The following MLLT1 variants were observed in gnomAD, a reference collection of about 807,000 sequenced individuals.
MLLT1 encodes protein ENL.
A neutral mutation model predicts 55.1 loss-of-function variants in MLLT1; 11 were observed. The observed-to-expected ratio is 0.20, with a 90% CI of 0.13 to 0.33. The LOEUF (loss-of-function observed/expected upper bound fraction) is 0.33, where lower values mean the gene tolerates loss of function less well. Among genes scored for constraint, MLLT1 ranks in the 10% least tolerant of loss-of-function variants. MLLT1 has a pLI of 1.00. For missense variants in MLLT1, 536 were observed against 760.6 expected, an observed-to-expected ratio of 0.70 and a Z score of 3.47; for synonymous variants, 323 against 320.1, an observed-to-expected ratio of 1.01 and a Z score of -0.10.
intron 3 of MLLT1, among the ~76,000 whole-genome samples, chr19:6,249,209 A>G (rs1189845904): frequency 6.6e-6 from 1 of 152,226 alleles, no homozygotes; most frequent in Non-Finnish European, 1.5e-5. Context: ...TGTTGAAATA[A>G]TGTTTTAGAT....
chr19:6,245,126 A>C (rs1420531853), intron 3 of MLLT1, among the ~76,000 whole-genome samples: 1 of 152,170 alleles, frequency 6.6e-6, no homozygotes, highest in African/African-American at 2.4e-5. Flanking sequence ...GGATCACTTG[A>C]GGCTGGGGGT....
In MLLT1 at chr19:6,229,380, G is replaced by A. The variant is rs994165828; in HGVS notation, c.420+1190C>T. 3.9e-5 allele frequency among the ~76,000 whole-genome samples: 6 copies of A among 152,086 alleles called. No homozygotes were observed. Among genetic ancestry groups the A allele is most frequent in the African/African-American group, 7.2e-5 (3 of 41,438 alleles). ...ATGGACAGACGCCTCCTTCTTCTTA[G>A]GAGAACGACGGCCACCAAGGACCTG... is the stretch of plus-strand genomic sequence containing the variant. On this transcript the variant is annotated intron_variant, in intron 4 of 11. Transcript: ENST00000252674. The surrounding 1 kb of genome is among the most constrained non-coding windows in gnomAD (Gnocchi z 5.2).
chr19:6,216,378 G>A (rs370635623), intron 8 of MLLT1, 27 bp downstream of exon 8: 70 of 1,551,790 alleles, frequency 4.5e-5, no homozygotes, highest in African/African-American at 3.7e-4. Context: ...GGCCGCCTCC[G>A]CCCCCTGGCT....
At chr19:6,255,889 G>T (rs2091252989) in intron 3 of MLLT1, among the ~76,000 whole-genome samples, 1 of 152,180 alleles carries the variant, frequency 6.6e-6, no homozygotes, top group Non-Finnish European at 1.5e-5. Context: ...CATTTTCGGG[G>T]CCCAAGGCGA....
intron 8 of MLLT1, among the ~76,000 whole-genome samples, chr19:6,215,858 C>T (rs2090837684): frequency 6.6e-6 from 1 of 152,208 alleles, no homozygotes; most frequent in African/African-American, 2.4e-5. Context: ...GGAGCTCTCC[C>T]AGGTGGGGTC....
intron 2 of MLLT1, among the ~76,000 whole-genome samples, chr19:6,269,865 G>A (rs76046359): frequency 0.02 from 3,105 of 152,234 alleles, 103 homozygotes; most frequent in East Asian, 0.13. Context: ...GCCGGGCTCC[G>A]GGCTTCACAC....
intron 4 of MLLT1, among the ~76,000 whole-genome samples, chr19:6,228,233 G>T (rs1260828004): frequency 6.6e-6 from 1 of 152,172 alleles, no homozygotes; most frequent in Non-Finnish European, 1.5e-5. Flanking sequence ...GCCACAGAAG[G>T]CTGCCATGCA....
At chr19:6,216,554 G>C (rs1360437750) in intron 7 of MLLT1, 41 bp from the exon 8 acceptor site, 3 of 1,440,198 alleles carry the variant, frequency 2.1e-6, no homozygotes, top group Non-Finnish European at 2.9e-6. Context: ...ACAAGGGCAG[G>C]GCTCCACTGA....
intron 3 of MLLT1, among the ~76,000 whole-genome samples, chr19:6,250,862 G>A (rs932047301): frequency 2.6e-5 from 4 of 152,214 alleles, no homozygotes; most frequent in African/African-American, 9.6e-5. Flanking sequence ...GTCAATGGAT[G>A]AATGGATAAA....
In MLLT1 at chr19:6,262,508, G is replaced by A. The variant is rs540452336; in HGVS notation, c.194-198C>T. Among the ~76,000 whole-genome samples the A allele has an allele frequency of 3.3e-5, 5 of 152,220 alleles. No individual in the cohort carries two copies. The highest frequency in any genetic ancestry group is 4.2e-4 in the South Asian group (2 of 4,810). ...AAGTTATCTTAGGAATAAAACAGCA[G>A]GGAAGAAGAGGAGAAAGGAGACTTG... On this transcript the variant is annotated intron_variant, in intron 2 of 11. Coordinates refer to ENST00000252674, the MANE Select transcript of MLLT1 (RefSeq NM_005934.4). This position sits in a 1 kb window ranked among gnomAD's most constrained non-coding sequence, Gnocchi z 4.4.
chr19:6,242,308 C>T (rs1018698791), intron 3 of MLLT1, among the ~76,000 whole-genome samples: 4 of 152,300 alleles, frequency 2.6e-5, no homozygotes, highest in African/African-American at 4.8e-5. Context: ...CTAGGGCCCC[C>T]CAACACAAGC....
rs765860595 is a variant in MLLT1 at position 6,217,999 on chromosome 19, A to G, written c.1153T>C (p.Ser385Pro). The change falls in exon 7 of 12, where the codon TCC becomes CCC. Residue 385 changes from serine (S) to proline (P), a missense_variant. Ser to Pro is a moderately conservative substitution (Grantham distance 74). Around this residue, in one of 3 missense-constraint regions of MLLT1, gnomAD observed 449 missense variants for 489.0 expected, o/e 0.92. Coordinates refer to ENST00000252674, the MANE Select transcript of MLLT1 (RefSeq NM_005934.4). ...GGCTCGAAGTCTGAGTCTGAGCTGG[A>G]GTCTGAGCTGGAGCTGGAGTTGGAC... ...SPSNSSSSSD[S>P]SSDSDFEPSQ... The G allele has an allele frequency of 1.2e-6, 2 of 1,608,458 alleles. No individual in the cohort carries two copies. Among genetic ancestry groups the G allele is most frequent in the South Asian group, 1.1e-5 (1 of 90,716 alleles).
rs2091389139 is a variant in MLLT1 at position 6,270,778 on chromosome 19, G to A, written c.13-19C>T. On this transcript the variant is annotated intron_variant, in intron 1 of 11. Coordinates refer to ENST00000252674, the MANE Select transcript of MLLT1 (RefSeq NM_005934.4). The surrounding 1 kb of genome is among the most constrained non-coding windows in gnomAD (Gnocchi z 7.1). ...CGGTGCACTGGAGGAGAGAGAGGTG[G>A]GGAGATGAAGTCAGCACACGCCTCC... The A allele has an allele frequency of 1.9e-6, 3 of 1,585,914 alleles. No individual in the cohort carries two copies. Among genetic ancestry groups the A allele is most frequent in the African/African-American group, 1.3e-5 (1 of 74,268 alleles).
At chr19:6,216,783 G>T (rs1468554972) in intron 7 of MLLT1, 1 of 467,216 alleles carries the variant, frequency 2.1e-6, no homozygotes, top group South Asian at 2.7e-5. Context: ...GGCAGTGGGC[G>T]CGCAGGGCCC....
intron 3 of MLLT1, among the ~76,000 whole-genome samples, chr19:6,253,829 G>A (rs1345037279): frequency 2.0e-5 from 3 of 152,168 alleles, no homozygotes; most frequent in Admixed American, 2.0e-4. Context: ...AAAAGAAGGT[G>A]TGACACGGTA....
rs1421253838 is a variant in MLLT1 at position 6,213,323 on chromosome 19, CA to C, written c.1551+13del. On this transcript the variant is annotated intron_variant, in intron 11 of 11. Transcript: ENST00000252674. ...CCCGACCTCTGCCGGGCAGGACCCTCAGGGGGGCGATACCTGCTGCAGCACG... is the reference window on the plus strand; with the variant it reads ...CCCGACCTCTGCCGGGCAGGACCCTCGGGGGGCGATACCTGCTGCAGCACG... The C allele has an allele frequency of 2.5e-6, 4 of 1,612,340 alleles. No homozygotes were observed. Among genetic ancestry groups the C allele is most frequent in the Non-Finnish European group, 3.4e-6 (4 of 1,179,744 alleles).
chr19:6,275,223 G>A (rs1421207242), intron 1 of MLLT1, among the ~76,000 whole-genome samples: 1 of 152,240 alleles, frequency 6.6e-6, no homozygotes, highest in African/African-American at 2.4e-5. Context: ...TCGCCCAGTG[G>A]TGGAATTACA....
At chr19:6,263,667 G>C (rs549265827) in intron 2 of MLLT1, among the ~76,000 whole-genome samples, 3 of 152,222 alleles carry the variant, frequency 2.0e-5, no homozygotes, top group Non-Finnish European at 2.9e-5. Flanking sequence ...TCCTGCCTGA[G>C]AGCCCACAGG....
In MLLT1 at chr19:6,270,324, C is replaced by A. The variant is rs1277626998; in HGVS notation, c.193+255G>T. Among the ~76,000 whole-genome samples the A allele has an allele frequency of 1.3e-5, 2 of 152,236 alleles. No individual in the cohort carries two copies. The highest frequency in any genetic ancestry group is 2.9e-5 in the Non-Finnish European group (2 of 68,048). ...TCCCACCCATGCCAACCTGGCTGTG[C>A]TCCCTGGCTGCTTCCCAGAGCCCGG... On this transcript the variant is annotated intron_variant, in intron 2 of 11. Transcript: ENST00000252674. This position sits in a 1 kb window ranked among gnomAD's most constrained non-coding sequence, Gnocchi z 7.1.
Sources: allele counts gnomAD v4.1 joint callset (sites outside exome capture counted in the v4.1 genomes callset), GRCh38; gene constraint gnomAD v4.1.1; regional missense constraint gnomAD v4.1.1; non-coding constraint Gnocchi (gnomAD v3.1); transcripts MANE v1.5; gene names NCBI Gene and HGNC (gene_info 2026-07-23, HGNC 2026-07-21).